The following PLD5 variants were observed in gnomAD, a reference collection of about 807,000 sequenced individuals.
PLD5 encodes the protein phospholipase D family member 5, also known as inactive phospholipase D5.
Under a neutral mutation model 61.1 loss-of-function variants are expected in PLD5, and 36 were observed. That is an observed-to-expected ratio of 0.59 (90% CI 0.45 to 0.78). PLD5 has a LOEUF of 0.78. Ranked by LOEUF, PLD5 falls within the 30% of genes least tolerant of loss-of-function variation. The pLI, the probability that PLD5 is intolerant of heterozygous loss-of-function variation, is 0.00. For synonymous variants in PLD5, 243 were observed against 242.8 expected, an observed-to-expected ratio of 1.00 and a Z score of -0.01; for missense variants, 515 against 644.4, an observed-to-expected ratio of 0.80 and a Z score of 2.17.
chr1:242,411,015 GATGGAAATT>G (rs1387992927), intron 1 of PLD5, among the ~76,000 whole-genome samples: 1 of 151,842 alleles, frequency 6.6e-6, no homozygotes, highest in Non-Finnish European at 1.5e-5. Flanking sequence ...ATTTCTCCAA[GATGGAAATT>G]AGGCCAGCAT....
intron 5 of PLD5, chr1:242,178,195 G>T (rs762068991): frequency 6.6e-6 from 1 of 151,992 alleles, no homozygotes; most frequent in African/African-American, 2.4e-5. Context: ...TATTGTGATC[G>T]CCCATATATA....
intron 1 of PLD5, among the ~76,000 whole-genome samples, chr1:242,485,862 C>T (rs1368925277): frequency 6.6e-6 from 1 of 152,162 alleles, no homozygotes; most frequent in Non-Finnish European, 1.5e-5. Context: ...GGTACCAAAA[C>T]AGAGATATAG....
chr1:242,121,027 G>T (rs1662317094), intron 6 of PLD5, among the ~76,000 whole-genome samples: 1 of 152,018 alleles, frequency 6.6e-6, no homozygotes, highest in Non-Finnish European at 1.5e-5. Context: ...TACTCTTTAT[G>T]TATGTGTTCA....
chr1:242,115,577 A>G (rs1661879489), intron 6 of PLD5, among the ~76,000 whole-genome samples: 1 of 152,086 alleles, frequency 6.6e-6, no homozygotes, highest in South Asian at 2.1e-4. Context: ...CACTGCACAT[A>G]GCAAGCCATT....
At chr1:242,123,894 T>A (rs986106886) in intron 6 of PLD5, among the ~76,000 whole-genome samples, 1 of 152,068 alleles carries the variant, frequency 6.6e-6, no homozygotes, top group Admixed American at 6.5e-5. Flanking sequence ...GGCTAATGGT[T>A]CTTAGCAGAG....
In PLD5 at chr1:242,393,224, G is replaced by A. The variant is rs1663045490; in HGVS notation, c.190-44982C>T. Among the ~76,000 whole-genome samples, 2 of 100,292 alleles carry A rather than the reference G, an allele frequency of 2.0e-5. 1 individual carries two copies. The highest frequency in any genetic ancestry group is 3.7e-5 in the Non-Finnish European group (2 of 53,338). The allele number at this position is 100,292 out of a possible 152,430, so 65.8% of individuals were successfully genotyped here. A position where few individuals can be genotyped will look rare whatever the true frequency, so the allele number is the denominator to read the frequency against. On this transcript the variant is annotated intron_variant, in intron 1 of 9. Transcript: ENST00000536534. The stretch of plus-strand genomic sequence containing the variant: ...CTCAAAAAAATATATATATATATAT[G>A]AGTATATATATGTGTATATATATGA...
intron 2 of PLD5, among the ~76,000 whole-genome samples, chr1:242,328,263 T>TACAC (rs199974648): frequency 1.3e-5 from 2 of 151,966 alleles, no homozygotes; most frequent in Admixed American, 6.6e-5. Flanking sequence ...TATATATATA[T>TACAC]ACACACACAT....
At chr1:242,342,089 C>T (rs978433291) in intron 2 of PLD5, among the ~76,000 whole-genome samples, 5 of 152,250 alleles carry the variant, frequency 3.3e-5, no homozygotes, top group East Asian at 1.9e-4. Flanking sequence ...GCTTGCTTAA[C>T]GATACTTTGC....
rs113997625 is a variant in PLD5 at position 242,505,089 on chromosome 1, G to A, written c.189+18999C>T. Among the ~76,000 whole-genome samples, 1,035 of 152,290 alleles carry A rather than the reference G, an allele frequency of 6.8e-3. 13 individuals are homozygous for A. Among genetic ancestry groups the A allele is most frequent in the African/African-American group, 0.023 (971 of 41,544 alleles). ...GGAGGATCACTTGAGCCCAGGACGT[G>A]GAGGCTGCACTGAGCAGTGACCATG... On this transcript the variant is annotated intron_variant, in intron 1 of 9. Coordinates refer to ENST00000536534, the MANE Select transcript of PLD5 (RefSeq NM_001372062.1).
intron 2 of PLD5, among the ~76,000 whole-genome samples, chr1:242,338,398 T>C (rs1256828565): frequency 6.6e-6 from 1 of 152,056 alleles, no homozygotes; most frequent in Non-Finnish European, 1.5e-5. Context: ...AGCTATACTT[T>C]CTGTTTTCAA....
intron 1 of PLD5, among the ~76,000 whole-genome samples, chr1:242,445,569 T>TG (rs1666493091): frequency 6.6e-6 from 1 of 152,124 alleles, no homozygotes; most frequent in Admixed American, 6.5e-5. Flanking sequence ...CTCAAACTCC[T>TG]GACCTCAGGC....
chr1:242,429,645 A>G (rs1665614335), intron 1 of PLD5, among the ~76,000 whole-genome samples: 1 of 152,192 alleles, frequency 6.6e-6, no homozygotes, highest in South Asian at 2.1e-4. Context: ...CTGACTGATT[A>G]CCATTTTTAC....
chr1:242,209,939 C>A (rs893752243), intron 5 of PLD5, among the ~76,000 whole-genome samples: 3 of 152,268 alleles, frequency 2.0e-5, no homozygotes, highest in Non-Finnish European at 4.4e-5. Context: ...GGATTACAGG[C>A]ACCCAACACT....
rs555389217 is a variant in PLD5 at position 242,240,470 on chromosome 1, T to A, written c.608-20355A>T. Among the ~76,000 whole-genome samples, 4 of 152,344 alleles carry A rather than the reference T, an allele frequency of 2.6e-5. No individual in the cohort carries two copies. The East Asian group carries it at 7.7e-4, about 29-fold the overall frequency. On this transcript the variant is annotated intron_variant, in intron 4 of 9. Coordinates refer to ENST00000536534, the MANE Select transcript of PLD5 (RefSeq NM_001372062.1). ...GTGAATTATTTAATAGCGAATGTAA[T>A]GACCTCAGAATTGAATTGATGCTTT... is the stretch of plus-strand genomic sequence containing the variant.
intron 5 of PLD5, among the ~76,000 whole-genome samples, chr1:242,214,871 C>CTTTTTTTTTTTTT (rs71570942): frequency 2.2e-5 from 2 of 92,458 alleles, no homozygotes; most frequent in African/African-American, 5.0e-5. Flanking sequence ...CATTAAACAC[C>CTTTTTTTTTTTTT]TTTTTTTTTT....
At chr1:242,293,843 G>T (rs3907662) in intron 2 of PLD5, among the ~76,000 whole-genome samples, 1 of 152,078 alleles carries the variant, frequency 6.6e-6, no homozygotes, top group African/African-American at 2.4e-5. Context: ...CTTCTGGGAC[G>T]CATGGCTGTT....
intron 6 of PLD5, among the ~76,000 whole-genome samples, chr1:242,115,670 T>TC (rs1553301987): frequency 7.9e-6 from 1 of 127,262 alleles, no homozygotes; most frequent in Admixed American, 7.6e-5. Context: ...AAAAAAAAAA[T>TC]CTTGGAGTTT....
At chr1:242,310,838 G>C (rs139345187) in intron 2 of PLD5, among the ~76,000 whole-genome samples, 1 of 152,272 alleles carries the variant, frequency 6.6e-6, no homozygotes, top group Non-Finnish European at 1.5e-5. Context: ...CAAAGAGAGA[G>C]CTCATTGCTT....
At chr1:242,293,886 T>G (rs2149146008) in intron 2 of PLD5, among the ~76,000 whole-genome samples, 1 of 152,318 alleles carries the variant, frequency 6.6e-6, no homozygotes. Context: ...AAAAACCAGC[T>G]TTGAAATGAC....
Sources: gnomAD v4.1 joint callset for allele counts (sites outside exome capture counted in the v4.1 genomes callset) on GRCh38, gnomAD v4.1.1 for gene constraint, MANE v1.5 for transcripts, NCBI Gene and HGNC (gene_info 2026-07-23, HGNC 2026-07-21) for gene names.